The following NALCN variants were observed in gnomAD, a reference collection of about 807,000 sequenced individuals.
NALCN encodes sodium leak channel NALCN.
In NALCN, 111 loss-of-function variants were observed where a neutral mutation model predicts 225.3. The observed-to-expected ratio is 0.49, with a 90% CI of 0.42 to 0.58. NALCN has a LOEUF of 0.58. Ranked by LOEUF, NALCN falls within the 20% of genes least tolerant of loss-of-function variation. The probability of loss-of-function intolerance (pLI) is 0.00; values close to 1 mark genes in which losing one functional copy is unlikely to be tolerated. For missense variants in NALCN, 1,378 were observed against 2,202.4 expected (o/e 0.63, Z 7.49); for synonymous variants, 764 against 769.0 (o/e 0.99, Z 0.11).
At chr13:101,320,204 C>A (rs753724769) in intron 7 of NALCN, among the ~76,000 whole-genome samples, 1 of 152,112 alleles carries the variant, frequency 6.6e-6, no homozygotes, top group Non-Finnish European at 1.5e-5. Context: ...TACACGTATG[C>A]GACAACTTTT....
At chr13:101,058,170 C>T in intron 42 of NALCN, 114 bp from the exon 43 acceptor site, 1 of 842,954 alleles carries the variant, frequency 1.2e-6, no homozygotes, top group Non-Finnish European at 1.8e-6. Context: ...ACAACATGGA[C>T]TCAGAGTGTC....
chr13:101,129,158 A>T (rs965666743), intron 17 of NALCN, among the ~76,000 whole-genome samples: 2 of 152,140 alleles, frequency 1.3e-5, no homozygotes, highest in Non-Finnish European at 2.9e-5. Context: ...ATAGTTTTAT[A>T]ATGAGGTGCT....
intron 10 of NALCN, among the ~76,000 whole-genome samples, chr13:101,274,044 G>A (rs1448181107): frequency 6.6e-6 from 1 of 152,138 alleles, no homozygotes; most frequent in Non-Finnish European, 1.5e-5. Context: ...TGCAGATGAA[G>A]ATGTAGACAA....
At chr13:101,273,781 A>G (rs2042878420) in intron 10 of NALCN, among the ~76,000 whole-genome samples, 1 of 148,660 alleles carries the variant, frequency 6.7e-6, no homozygotes, top group Admixed American at 6.8e-5. Flanking sequence ...GCAACTCGGG[A>G]GGCTGGGGCA....
intron 18 of NALCN, among the ~76,000 whole-genome samples, chr13:101,117,763 C>G (rs556602859): frequency 6.6e-6 from 1 of 151,744 alleles, no homozygotes; most frequent in Non-Finnish European, 1.5e-5. Flanking sequence ...TATCCATTCT[C>G]CTACTGAAGG....
intron 15 of NALCN, among the ~76,000 whole-genome samples, chr13:101,159,953 T>TTTTA (rs1555301970): frequency 2.2e-4 from 33 of 151,382 alleles, no homozygotes; most frequent in East Asian, 7.9e-4. Context: ...TTTTTTGTTA[T>TTTTA]TTTTATTTTA....
At chr13:101,201,511 T>A (rs2040120550) in intron 13 of NALCN, among the ~76,000 whole-genome samples, 1 of 152,218 alleles carries the variant, frequency 6.6e-6, no homozygotes, top group Non-Finnish European at 1.5e-5. Context: ...AAATAATATT[T>A]TATTAATGGA....
chr13:101,333,804 G>A (rs145369920), intron 7 of NALCN, among the ~76,000 whole-genome samples: 44 of 152,260 alleles, frequency 2.9e-4, no homozygotes, highest in African/African-American at 7.9e-4. Context: ...GGCTGCTGTC[G>A]CCAGCAGAGA....
chr13:101,326,514 T>G (rs1358812141), intron 7 of NALCN, among the ~76,000 whole-genome samples: 2 of 152,166 alleles, frequency 1.3e-5, no homozygotes, highest in African/African-American at 4.8e-5. Context: ...CACAATCTAA[T>G]TAGTTTTTGG....
Position 101,067,962 on chromosome 13 carries a change from G to A in NALCN, c.4402C>T (p.Arg1468Cys), listed in dbSNP as rs761260017. Residue 1468 changes from arginine to cysteine, a missense_variant, in exon 39 of 44, where the codon CGC becomes TGC. Arg to Cys is a radical substitution (Grantham distance 180). Transcript: ENST00000251127. The part of the protein sequence containing the change: ...EDQLLSYNDL[R>C]HFQIIWNMVD... The stretch of plus-strand genomic sequence containing the variant: ...ATGTTCCATATTATTTGAAAGTGGC[G>A]AAGATCATTGTAACTTAAAAGCTGG... 7 of 1,613,176 alleles carry A rather than the reference G, an allele frequency of 4.3e-6. No homozygotes were observed. The highest frequency in any genetic ancestry group is 1.3e-5 in the African/African-American group (1 of 74,978).
intron 1 of NALCN, among the ~76,000 whole-genome samples, chr13:101,405,219 C>G (rs779443048): frequency 1.1e-4 from 17 of 152,190 alleles, no homozygotes; most frequent in Non-Finnish European, 2.1e-4. Flanking sequence ...TGCTTAACAG[C>G]AAGATGGCCT....
Position 101,104,278 on chromosome 13 carries a change from A to C in NALCN, c.2889+17T>G. On this transcript the variant is annotated intron_variant, in intron 25 of 43. Transcript: ENST00000251127. This position sits in a 1 kb window ranked among gnomAD's most constrained non-coding sequence, Gnocchi z 4.2. ...AAACCATTACATTTTTCATTTAGGC[A>C]ATAAGCAAAGACTTACAAGATATAT... The C allele has an allele frequency of 6.3e-7, 1 of 1,578,960 alleles. No homozygotes were observed. Among genetic ancestry groups the C allele is most frequent in the Non-Finnish European group, 8.6e-7 (1 of 1,167,454 alleles).
chr13:101,351,044 ATATTC>A (rs1464977202), intron 6 of NALCN, among the ~76,000 whole-genome samples: 1 of 152,174 alleles, frequency 6.6e-6, no homozygotes, highest in Non-Finnish European at 1.5e-5. Context: ...TATATATAAT[ATATTC>A]TATTCTATAT....
At chr13:101,194,705 C>T (rs559334943) in intron 13 of NALCN, among the ~76,000 whole-genome samples, 5 of 152,240 alleles carry the variant, frequency 3.3e-5, no homozygotes, top group African/African-American at 1.2e-4. Context: ...GATCAATTCT[C>T]AAAAAGGAAG....
intron 10 of NALCN, among the ~76,000 whole-genome samples, chr13:101,261,009 C>G (rs1354967967): frequency 2.6e-5 from 4 of 152,154 alleles, no homozygotes; most frequent in African/African-American, 9.7e-5. Context: ...AGTTTGAGGT[C>G]ATAGCTTTAA....
chr13:101,067,727 A>G (rs1045693201), intron 39 of NALCN, among the ~76,000 whole-genome samples, 191 bp downstream of exon 39: 1 of 152,162 alleles, frequency 6.6e-6, no homozygotes, highest in Non-Finnish European at 1.5e-5. Context: ...ATGGTTGAAG[A>G]TCATGTAAGG....
chr13:101,102,432 G>A (rs1488799733), intron 26 of NALCN, among the ~76,000 whole-genome samples: 1 of 152,126 alleles, frequency 6.6e-6, no homozygotes, highest in Non-Finnish European at 1.5e-5. Flanking sequence ...ACAAGCCTAT[G>A]TAAATTAATT....
intron 13 of NALCN, 21 bp from the exon 14 acceptor site, chr13:101,192,075 G>A (rs529741654): frequency 1.3e-6 from 2 of 1,581,902 alleles, no homozygotes; most frequent in East Asian, 2.3e-5. Context: ...AAGAACAAAG[G>A]TATTACACAC....
At chr13:101,088,296 C>T (rs752077259) in intron 30 of NALCN, among the ~76,000 whole-genome samples, 4 of 152,092 alleles carry the variant, frequency 2.6e-5, no homozygotes, top group African/African-American at 9.7e-5. Flanking sequence ...AGCCTGAGGA[C>T]AGTGAATGAC....
Sources: allele counts gnomAD v4.1 joint callset (sites outside exome capture counted in the v4.1 genomes callset), GRCh38; gene constraint gnomAD v4.1.1; non-coding constraint Gnocchi (gnomAD v3.1); transcripts MANE v1.5; gene names NCBI Gene and HGNC (gene_info 2026-07-23, HGNC 2026-07-21).